Variants in MIB1 observed in about 807,000 individuals in gnomAD.
MIB1 encodes E3 ubiquitin-protein ligase MIB1.
In MIB1, 278 loss-of-function variants were observed where a neutral mutation model predicts 124.5. The ratio of observed to expected loss-of-function variants is 2.23; its 90% CI spans 2.02 to 2.47. The LOEUF is 2.47. MIB1 is among the 30% of genes most tolerant of loss of function. MIB1 has a pLI of 0.00. For synonymous variants in MIB1, 446 were observed against 429.4 expected (o/e 1.04, Z -0.48); for missense variants, 957 against 1,254.4 (o/e 0.76, Z 3.58).
chr18:21,706,993 C>T (rs2040641675), intron 1 of MIB1, among the ~76,000 whole-genome samples: 1 of 152,222 alleles, frequency 6.6e-6, no homozygotes, highest in Non-Finnish European at 1.5e-5. Flanking sequence ...CTAGTGGGGA[C>T]TTGGAGAACC....
In MIB1 at chr18:21,779,509, T is replaced by G. The variant is rs1469739768; in HGVS notation, c.732T>G (p.Gly244=). The change falls in exon 6 of 21, where the codon GGT becomes GGG. Residue 244 remains glycine (G), a synonymous_variant. Transcript: ENST00000261537. ...AGCAGAATGGCAACAGGAATCCTGG[T>G]GGATTGCAGATTGGTGACCTGGTAA... is the stretch of plus-strand genomic sequence containing the variant. The part of the protein sequence containing the change: ...LGEQNGNRNP[G]GLQIGDLVNI... 1 of 1,614,054 alleles carries G rather than the reference T, an allele frequency of 6.2e-7. No homozygotes were observed. Among genetic ancestry groups the G allele is most frequent in the Non-Finnish European group, 8.5e-7 (1 of 1,179,954 alleles).
At chr18:21,839,896 A>G (rs1015584916) in intron 13 of MIB1, among the ~76,000 whole-genome samples, 10 of 152,168 alleles carry the variant, frequency 6.6e-5, no homozygotes, top group Admixed American at 5.9e-4. Context: ...ATGTTATTAT[A>G]AATTGTATTT....
chr18:21,729,597 C>G (rs1387298697), intron 1 of MIB1, among the ~76,000 whole-genome samples: 1 of 152,170 alleles, frequency 6.6e-6, no homozygotes, highest in African/African-American at 2.4e-5. Context: ...TCAATTGATT[C>G]TCCCACCTCA....
At position 21,798,069 on chromosome 18, in the gene MIB1, A is replaced by T; in HGVS notation, c.1093-15A>T. 1 of 1,611,742 alleles carries T rather than the reference A, an allele frequency of 6.2e-7. No individual in the cohort carries two copies. The highest frequency in any genetic ancestry group is 8.5e-7 in the Non-Finnish European group (1 of 1,178,442). On this transcript the variant is annotated splice_polypyrimidine_tract_variant and intron_variant, in intron 7 of 20. Transcript: ENST00000261537. The stretch of plus-strand genomic sequence containing the variant: ...ACTTTAGACTTGGAAACATGAATCT[A>T]TTTTTTTCCCCAAGACTTTAGGTAA...
chr18:21,717,189 C>A (rs2040693475), intron 1 of MIB1, among the ~76,000 whole-genome samples: 1 of 152,022 alleles, frequency 6.6e-6, no homozygotes, highest in Non-Finnish European at 1.5e-5. Flanking sequence ...GCAGGGTAGC[C>A]AAATGTAGGA....
intron 8 of MIB1, among the ~76,000 whole-genome samples, chr18:21,798,561 T>TG (rs1568206595): frequency 6.6e-6 from 1 of 152,170 alleles, no homozygotes; most frequent in Non-Finnish European, 1.5e-5. Context: ...TTTTGTTTTC[T>TG]GCCAAAGAAC....
chr18:21,764,296 C>G (rs940571988), intron 1 of MIB1, among the ~76,000 whole-genome samples: 1 of 152,024 alleles, frequency 6.6e-6, no homozygotes, highest in African/African-American at 2.4e-5. Flanking sequence ...GATCCTTGCC[C>G]CTCCCCTCCC....
intron 10 of MIB1, among the ~76,000 whole-genome samples, chr18:21,815,009 TTTTA>T (rs2041812349): frequency 5.1e-5 from 3 of 58,498 alleles, no homozygotes; most frequent in South Asian, 1.2e-3. Flanking sequence ...AAGCTGTTGG[TTTTA>T]TATATATATA....
chr18:21,749,861 C>G (rs1057450447), intron 1 of MIB1, among the ~76,000 whole-genome samples: 23 of 151,860 alleles, frequency 1.5e-4, no homozygotes, highest in African/African-American at 5.3e-4. Flanking sequence ...AGGCTGGTCT[C>G]GAACTCCCGA....
intron 1 of MIB1, among the ~76,000 whole-genome samples, chr18:21,732,018 A>AATATAT (rs111576923): frequency 6.7e-6 from 1 of 148,306 alleles, no homozygotes; most frequent in Non-Finnish European, 1.5e-5. Context: ...GTGCCCTTTA[A>AATATAT]ATATATATAT....
intron 12 of MIB1, among the ~76,000 whole-genome samples, chr18:21,822,275 AT>A (rs1461087461): frequency 1.1e-4 from 16 of 152,352 alleles, no homozygotes; most frequent in Non-Finnish European, 1.6e-4. Context: ...GGAAACAAGT[AT>A]CTTTTAAATA....
At chr18:21,776,513 A>T (rs1322139048) in intron 4 of MIB1, among the ~76,000 whole-genome samples, 1 of 152,210 alleles carries the variant, frequency 6.6e-6, no homozygotes, top group East Asian at 1.9e-4. Context: ...ACTTTTAAGT[A>T]AATCCACATC....
chr18:21,823,314 T>C (rs1198721971), intron 12 of MIB1, among the ~76,000 whole-genome samples: 1 of 151,192 alleles, frequency 6.6e-6, no homozygotes, highest in Admixed American at 6.6e-5. Context: ...GGCGAGAATA[T>C]TGCTCGAGCC....
At chr18:21,764,636 C>T (rs1158961204) in intron 1 of MIB1, among the ~76,000 whole-genome samples, 2 of 151,908 alleles carry the variant, frequency 1.3e-5, no homozygotes, top group African/African-American at 2.4e-5. Flanking sequence ...ATGTAATGAA[C>T]TCCCATGTAC....
intron 3 of MIB1, among the ~76,000 whole-genome samples, chr18:21,769,517 G>T (rs147646017): frequency 1.3e-5 from 2 of 152,282 alleles, no homozygotes; most frequent in East Asian, 3.9e-4. Flanking sequence ...TCCTGGAAGC[G>T]CCCTTTGAAG....
At chr18:21,720,756 C>G (rs1293943007) in intron 1 of MIB1, among the ~76,000 whole-genome samples, 1 of 152,072 alleles carries the variant, frequency 6.6e-6, no homozygotes, top group African/African-American at 2.4e-5. Flanking sequence ...TGAGATCAGT[C>G]TGGGGAACAG....
chr18:21,852,482 C>T (rs2042188711), intron 17 of MIB1, among the ~76,000 whole-genome samples: 1 of 151,976 alleles, frequency 6.6e-6, no homozygotes, highest in Admixed American at 6.6e-5. Flanking sequence ...GAAGCCAGAG[C>T]CAAGGTGGTT....
At chr18:21,846,618 T>C (rs1033695806) in intron 15 of MIB1, among the ~76,000 whole-genome samples, 1 of 152,152 alleles carries the variant, frequency 6.6e-6, no homozygotes, top group Admixed American at 6.5e-5. Flanking sequence ...CAATCAGAAG[T>C]TCCACTTTTG....
chr18:21,803,609 T>C (rs774991800), intron 9 of MIB1: 3 of 204,486 alleles, frequency 1.5e-5, no homozygotes, highest in Non-Finnish European at 2.0e-5. Flanking sequence ...AAGAAATATA[T>C]ATACAAAACC....
Sources: gnomAD v4.1 joint callset for allele counts (sites outside exome capture counted in the v4.1 genomes callset) on GRCh38, gnomAD v4.1.1 for gene constraint, MANE v1.5 for transcripts, NCBI Gene and HGNC (gene_info 2026-07-23, HGNC 2026-07-21) for gene names.